PHYHIPL: variants seen among roughly 807,000 people sequenced by gnomAD.
PHYHIPL encodes phytanoyl-CoA 2-hydroxylase interacting protein like, also known as phytanoyl-CoA hydroxylase-interacting protein-like.
Under a neutral mutation model 33.4 loss-of-function variants are expected in PHYHIPL, and 9 were observed. That is an observed-to-expected ratio of 0.27 (90% CI 0.16 to 0.47). PHYHIPL has a LOEUF of 0.47. Among genes scored for constraint, PHYHIPL ranks in the 20% least tolerant of loss-of-function variants. The pLI, the probability that PHYHIPL is intolerant of heterozygous loss-of-function variation, is 0.99. For synonymous variants in PHYHIPL, 153 were observed against 154.1 expected (o/e 0.99, Z 0.05); for missense variants, 365 against 460.7 (o/e 0.79, Z 1.90).
chr10:59,214,540 A>T (rs1232605380), intron 1 of PHYHIPL, among the ~76,000 whole-genome samples: 2 of 152,050 alleles, frequency 1.3e-5, no homozygotes, highest in Non-Finnish European at 2.9e-5. Context: ...TGAGTCTGTT[A>T]TGTGTGTATT....
rs570504055 is a variant in PHYHIPL at position 59,198,431 on chromosome 10, AT to A, written c.106+21480del. On this transcript the variant is annotated intron_variant, in intron 1 of 4. Coordinates refer to ENST00000373880, the MANE Select transcript of PHYHIPL (RefSeq NM_032439.4). ...GTATTCCATGGTGTATATGTGCCAC[AT>A]TTTTTTTAATCCACTCTATCATTGA... Among the ~76,000 whole-genome samples, 1,238 of 151,730 alleles carry A rather than the reference AT, an allele frequency of 8.2e-3. 25 individuals are homozygous for A. Among genetic ancestry groups the A allele is most frequent in the African/African-American group, 0.028 (1,178 of 41,366 alleles).
At chr10:59,202,698 T>A (rs1839155922) in intron 1 of PHYHIPL, among the ~76,000 whole-genome samples, 2 of 152,318 alleles carry the variant, frequency 1.3e-5, no homozygotes, top group South Asian at 4.1e-4. Context: ...TCAAACTTTC[T>A]GTTTTCCAGT....
intron 1 of PHYHIPL, among the ~76,000 whole-genome samples, chr10:59,221,526 TA>T (rs1388082858): frequency 6.6e-6 from 1 of 152,118 alleles, no homozygotes; most frequent in East Asian, 1.9e-4. Flanking sequence ...CACATCCATT[TA>T]AAATTGATTA....
intron 1 of PHYHIPL, chr10:59,177,393 A>G (rs1838283218): frequency 1.5e-6 from 2 of 1,353,766 alleles, no homozygotes; most frequent in Non-Finnish European, 2.0e-6. Context: ...TCTTCCAGAA[A>G]CTTATCATTT....
At chr10:59,182,843 A>C (rs1045519738) in intron 1 of PHYHIPL, among the ~76,000 whole-genome samples, 3 of 152,202 alleles carry the variant, frequency 2.0e-5, no homozygotes, top group Non-Finnish European at 4.4e-5. Flanking sequence ...AATTTCAGGC[A>C]ACATGGAAAG....
upstream of PHYHIPL, among the ~76,000 whole-genome samples, chr10:59,175,866 G>A (rs771773930): frequency 6.6e-6 from 1 of 152,194 alleles, no homozygotes; most frequent in Non-Finnish European, 1.5e-5. Flanking sequence ...TTTGCTACGC[G>A]CATGAATGAA....
chr10:59,213,175 A>G (rs1308996276), intron 1 of PHYHIPL, among the ~76,000 whole-genome samples: 1 of 152,166 alleles, frequency 6.6e-6, no homozygotes, highest in African/African-American at 2.4e-5. Flanking sequence ...CTTAAAAAAA[A>G]AAATCTAATC....
intron 1 of PHYHIPL, among the ~76,000 whole-genome samples, chr10:59,217,706 TA>T (rs777905981): frequency 6.6e-6 from 1 of 151,998 alleles, no homozygotes; most frequent in Non-Finnish European, 1.5e-5. Flanking sequence ...TGCTCAATTC[TA>T]AAACTCAAAT....
upstream of PHYHIPL, among the ~76,000 whole-genome samples, chr10:59,174,699 A>G (rs1838221095): frequency 1.3e-5 from 2 of 152,174 alleles, no homozygotes; most frequent in Admixed American, 6.5e-5. Context: ...CTAATTTCCT[A>G]TTTAAAGCCT....
chr10:59,185,309 G>A (rs1371464152), intron 1 of PHYHIPL, among the ~76,000 whole-genome samples: 2 of 152,030 alleles, frequency 1.3e-5, no homozygotes, highest in Non-Finnish European at 2.9e-5. Flanking sequence ...ATTTTTTATG[G>A]CTGCATAGTA....
At chr10:59,224,691 A>G (rs1839879357) in intron 1 of PHYHIPL, among the ~76,000 whole-genome samples, 1 of 152,170 alleles carries the variant, frequency 6.6e-6, no homozygotes, top group Non-Finnish European at 1.5e-5. Flanking sequence ...ACATTGTATT[A>G]TTCTGAAATT....
At position 59,247,047 on chromosome 10, in the gene PHYHIPL, AAAT is replaced by A; in HGVS notation, c.*1458_*1460del. On this transcript the variant is annotated 3_prime_UTR_variant, in exon 5 of 5. Coordinates refer to ENST00000373880, the MANE Select transcript of PHYHIPL (RefSeq NM_032439.4). ...GTGTTATTTTTATAGAGAAAGAAAA[AAAT>A]AGCAACACAATCTAGTTTATTTTAG... 1 of 160,484 alleles carries A rather than the reference AAAT, an allele frequency of 6.2e-6. No individual in the cohort carries two copies. Among genetic ancestry groups the A allele is most frequent in the South Asian group, 2.1e-4 (1 of 4,848 alleles). 9.9% of individuals were successfully genotyped at this position (160,484 alleles called of 1,614,324 possible). A position where few individuals can be genotyped will look rare whatever the true frequency, so the allele number is the denominator to read the frequency against.
At chr10:59,181,975 A>C (rs1820147217) in intron 1 of PHYHIPL, among the ~76,000 whole-genome samples, 2 of 152,184 alleles carry the variant, frequency 1.3e-5, no homozygotes, top group Non-Finnish European at 2.9e-5. Context: ...TTTAGACAAC[A>C]TTCAAATTAC....
At chr10:59,222,982 A>G (rs766438409) in intron 1 of PHYHIPL, among the ~76,000 whole-genome samples, 6 of 152,178 alleles carry the variant, frequency 3.9e-5, no homozygotes, top group Non-Finnish European at 7.4e-5. Flanking sequence ...ACATTTACTC[A>G]AGGTCAAACA....
intron 1 of PHYHIPL, among the ~76,000 whole-genome samples, chr10:59,223,621 A>C (rs920698611): frequency 2.0e-5 from 3 of 152,188 alleles, no homozygotes; most frequent in African/African-American, 7.2e-5. Context: ...AATAAAAATA[A>C]TAAAAATAAC....
At chr10:59,194,762 G>A (rs1838865756) in intron 1 of PHYHIPL, among the ~76,000 whole-genome samples, 1 of 152,124 alleles carries the variant, frequency 6.6e-6, no homozygotes, top group Admixed American at 6.6e-5. Context: ...ATTTTTATGA[G>A]AGGAAGTATA....
chr10:59,237,833 T>G (rs1840271222), intron 3 of PHYHIPL, among the ~76,000 whole-genome samples: 1 of 151,940 alleles, frequency 6.6e-6, no homozygotes. Flanking sequence ...TCTCTTAGAT[T>G]GTCAGTTCTT....
At chr10:59,223,531 T>G (rs1332690766) in intron 1 of PHYHIPL, among the ~76,000 whole-genome samples, 1 of 152,198 alleles carries the variant, frequency 6.6e-6, no homozygotes, top group Non-Finnish European at 1.5e-5. Flanking sequence ...TATCCATAAT[T>G]GTAGTGGTCT....
intron 1 of PHYHIPL, among the ~76,000 whole-genome samples, chr10:59,222,288 TA>T (rs1380521103): frequency 6.6e-6 from 1 of 151,932 alleles, no homozygotes; most frequent in Non-Finnish European, 1.5e-5. Flanking sequence ...TTAATGAGAT[TA>T]AAAAACTGTA....
Sources: allele counts gnomAD v4.1 joint callset (sites outside exome capture counted in the v4.1 genomes callset), GRCh38; gene constraint gnomAD v4.1.1; transcripts MANE v1.5; gene names NCBI Gene and HGNC (gene_info 2026-07-23, HGNC 2026-07-21).